The following ADGRB1 variants were observed in gnomAD, a reference collection of about 807,000 sequenced individuals.
ADGRB1 encodes brain-specific angiogenesis inhibitor 1.
Under a neutral mutation model 175.7 loss-of-function variants are expected in ADGRB1, and 36 were observed. That is an observed-to-expected ratio of 0.20 (90% CI 0.16 to 0.27). ADGRB1 has a LOEUF of 0.27. Ranked by LOEUF, ADGRB1 falls within the 10% of genes least tolerant of loss-of-function variation. The pLI, the probability that ADGRB1 is intolerant of heterozygous loss-of-function variation, is 1.00. For missense variants in ADGRB1, 1,731 were observed against 2,255.3 expected, an observed-to-expected ratio of 0.77 and a Z score of 4.71; for synonymous variants, 1,054 against 979.4, an observed-to-expected ratio of 1.08 and a Z score of -1.42.
intron 23 of ADGRB1, among the ~76,000 whole-genome samples, chr8:142,525,214 C>T (rs549784122): frequency 1.8e-4 from 27 of 152,074 alleles, no homozygotes; most frequent in African/African-American, 6.5e-4. Context: ...TGGGCAGCCC[C>T]AGACCCCTCC....
intron 20 of ADGRB1, 70 bp downstream of exon 20, chr8:142,520,995 G>C (rs1000203112): frequency 2.7e-6 from 4 of 1,458,142 alleles, no homozygotes; most frequent in Admixed American, 3.6e-5. Context: ...CCCAGGAGGG[G>C]CCTGGACCGT....
Position 142,464,497 on chromosome 8 carries a change from G to A in ADGRB1, c.299G>A (p.Arg100His). The change falls in exon 2 of 31, where the codon CGC becomes CAC. Residue 100 changes from arginine to histidine, a missense_variant. This residue lies in a region of ADGRB1 where 383 missense variants were observed against 383.1 expected (regional missense o/e 1.00). Transcript: ENST00000517894. ...PVPCSGPGRV[R>H]TYQFDSFLES... Reference sequence around the variant, plus strand: ...CCCTGCAGCGGCCCCGGCCGCGTGCGCACCTACCAGTTCGACTCCTTCCTC... The same window carrying A: ...CCCTGCAGCGGCCCCGGCCGCGTGCACACCTACCAGTTCGACTCCTTCCTC... The A allele has an allele frequency of 1.9e-6, 3 of 1,580,066 alleles. No individual in the cohort carries two copies. The highest frequency in any genetic ancestry group is 1.2e-5 in the South Asian group (1 of 86,434).
intron 24 of ADGRB1, 132 bp from the exon 25 acceptor site, chr8:142,533,163 G>A: frequency 9.3e-7 from 1 of 1,071,802 alleles, no homozygotes; most frequent in Non-Finnish European, 1.3e-6. Context: ...GGGCTGCTTG[G>A]CCCAGGCCCC....
chr8:142,525,554 G>C (rs926006314), intron 23 of ADGRB1, among the ~76,000 whole-genome samples: 11 of 152,178 alleles, frequency 7.2e-5, no homozygotes, highest in African/African-American at 2.7e-4. Flanking sequence ...AAAGTAGGCT[G>C]CCCAGGAAAG....
intron 1 of ADGRB1, among the ~76,000 whole-genome samples, chr8:142,450,747 G>T (rs541473349): frequency 1.3e-5 from 2 of 152,130 alleles, no homozygotes; most frequent in Non-Finnish European, 2.9e-5. Context: ...ATTGGCAGTG[G>T]AGACTCCCTG....
At chr8:142,454,364 T>C (rs943512820) in intron 1 of ADGRB1, among the ~76,000 whole-genome samples, 7 of 151,964 alleles carry the variant, frequency 4.6e-5, no homozygotes, top group Non-Finnish European at 8.8e-5. Flanking sequence ...AACACCAGGG[T>C]GCCACGGCCC....
In ADGRB1 at chr8:142,542,008, G is replaced by T; in HGVS notation, c.3774G>T (p.Leu1258=). The change falls in exon 28 of 31, where the codon CTG becomes CTT. Residue 1258 remains leucine, a synonymous_variant. Transcript: ENST00000517894. The surrounding 1 kb of genome is among the most constrained non-coding windows in gnomAD (Gnocchi z 6.3). ...TITGTLKRPS[L]PEEEKLKLAH... ...CGGGCACACTGAAGCGGCCGTCTCTGCCCGAGGAGGAGAAGCTGAAGCTGG... is the reference window on the plus strand; with the variant it reads ...CGGGCACACTGAAGCGGCCGTCTCTTCCCGAGGAGGAGAAGCTGAAGCTGG... 6.3e-7 allele frequency: 1 copy of T among 1,599,566 alleles called. No homozygotes were observed. The highest frequency in any genetic ancestry group is 1.3e-5 in the African/African-American group (1 of 74,630).
Position 142,518,227 on chromosome 8 carries a change from C to T in ADGRB1, c.2907C>T (p.Tyr969=), listed in dbSNP as rs556293550. ...SLTLLMLVII[Y]VSVWRYIRSE... is the part of the protein sequence containing the mutation. ...CCCTGCTCATGCTGGTCATCATCTA[C>T]GTGTCCGTGTGGAGGTGGGTGCCGC... is the stretch of plus-strand genomic sequence containing the variant. The change falls in exon 19 of 31, where the codon TAC becomes TAT. Residue 969 remains tyrosine, a synonymous_variant. Coordinates refer to ENST00000517894, the MANE Select transcript of ADGRB1 (RefSeq NM_001702.3). The T allele has an allele frequency of 2.5e-5, 41 of 1,613,730 alleles. No individual in the cohort carries two copies. The highest frequency in any genetic ancestry group is 3.3e-5 in the Non-Finnish European group (39 of 1,179,794).
In ADGRB1 at chr8:142,526,637, G is replaced by A; in HGVS notation, c.3398+10G>A. 6.2e-7 allele frequency: 1 copy of A among 1,607,820 alleles called. No homozygotes were observed. The highest frequency in any genetic ancestry group is 8.5e-7 in the Non-Finnish European group (1 of 1,177,528). On this transcript the variant is annotated intron_variant, in intron 24 of 30. Coordinates refer to ENST00000517894, the MANE Select transcript of ADGRB1 (RefSeq NM_001702.3). ...TGAAGGAGCGGGCAGGGTAGGACCG[G>A]GGCTACGCGGCTCCTTGCCCACCCG...
chr8:142,520,394 T>TGG, intron 19 of ADGRB1, among the ~76,000 whole-genome samples: 1 of 48,150 alleles, frequency 2.1e-5, no homozygotes, highest in Non-Finnish European at 4.8e-5. Context: ...ATGGTAGTGA[T>TGG]TGTGATGTTG....
chr8:142,459,640 G>C (rs1007341366), intron 1 of ADGRB1, among the ~76,000 whole-genome samples: 1 of 152,224 alleles, frequency 6.6e-6, no homozygotes, highest in African/African-American at 2.4e-5. Context: ...CCGCATGTGT[G>C]TGTTCATGCT....
intron 2 of ADGRB1, among the ~76,000 whole-genome samples, chr8:142,470,343 A>T (rs1013496197): frequency 7.2e-5 from 11 of 152,188 alleles, no homozygotes; most frequent in African/African-American, 2.7e-4. Context: ...GCGACATGGA[A>T]GATCATGAAA....
chr8:142,493,814 T>G lies in ADGRB1; in HGVS notation c.2675+2999T>G, dbSNP rs940993153. 3.9e-5 allele frequency among the ~76,000 whole-genome samples: 6 copies of G among 152,192 alleles called. No homozygotes were observed. Among genetic ancestry groups the G allele is most frequent in the Admixed American group, 2.0e-4 (3 of 15,290 alleles). Reference sequence around the variant, plus strand: ...GGACTGGGACTGACCTCGGTCCCCTTCCTTCTGCCCCTCACCTCCCCTCCA... The same window carrying G: ...GGACTGGGACTGACCTCGGTCCCCTGCCTTCTGCCCCTCACCTCCCCTCCA... On this transcript the variant is annotated intron_variant, in intron 17 of 30. Transcript: ENST00000517894. The surrounding 1 kb of genome is among the most constrained non-coding windows in gnomAD (Gnocchi z 5.0).
rs1162545487 is a variant in ADGRB1, at chr8:142,455,681, C to G, written c.-220+5577C>G. Among the ~76,000 whole-genome samples, 1 of 152,194 alleles carries G rather than the reference C, an allele frequency of 6.6e-6. No homozygotes were observed. The highest frequency in any genetic ancestry group is 1.5e-5 in the Non-Finnish European group (1 of 68,034). On this transcript the variant is annotated intron_variant, in intron 1 of 30. Coordinates refer to ENST00000517894, the MANE Select transcript of ADGRB1 (RefSeq NM_001702.3). This position sits in a 1 kb window ranked among gnomAD's most constrained non-coding sequence, Gnocchi z 4.9. ...CAGCTGTGGGCCAGTTTTGGGGGTG[C>G]TGACTCTTGACTGAGACATGTGGTT...
At chr8:142,497,621 G>C (rs938402532) in intron 17 of ADGRB1, among the ~76,000 whole-genome samples, 1 of 152,196 alleles carries the variant, frequency 6.6e-6, no homozygotes, top group Admixed American at 6.5e-5. Flanking sequence ...AGCTTGGGTG[G>C]GGCCTCGGGG....
At chr8:142,470,766 C>T (rs1840618245) in intron 2 of ADGRB1, among the ~76,000 whole-genome samples, 1 of 152,054 alleles carries the variant, frequency 6.6e-6, no homozygotes, top group Non-Finnish European at 1.5e-5. Flanking sequence ...CTGTGACCGG[C>T]CACGGAGATG....
At chr8:142,502,580 CAG>C (rs1842672847) in intron 17 of ADGRB1, among the ~76,000 whole-genome samples, 1 of 10,104 alleles carries the variant, frequency 9.9e-5, no homozygotes, top group Non-Finnish European at 1.6e-3. Context: ...GATGGTGGTT[CAG>C]TCATCACTGT....
chr8:142,530,061 T>A (rs758291091), intron 24 of ADGRB1, among the ~76,000 whole-genome samples: 3 of 152,088 alleles, frequency 2.0e-5, no homozygotes, highest in Non-Finnish European at 4.4e-5. Flanking sequence ...CTGGTGTATA[T>A]ACATGTGAGT....
At chr8:142,456,498 C>T (rs931220271) in intron 1 of ADGRB1, among the ~76,000 whole-genome samples, 5 of 152,196 alleles carry the variant, frequency 3.3e-5, no homozygotes, top group Admixed American at 6.5e-5. Flanking sequence ...AGCTGGAACA[C>T]GCACATTCTG....
Sources: gnomAD v4.1 joint callset for allele counts (sites outside exome capture counted in the v4.1 genomes callset) on GRCh38, gnomAD v4.1.1 for gene constraint, gnomAD v4.1.1 regional missense constraint, Gnocchi (gnomAD v3.1) non-coding constraint, MANE v1.5 for transcripts, NCBI Gene and HGNC (gene_info 2026-07-23, HGNC 2026-07-21) for gene names.